The following TCF4 variants were observed in gnomAD, a reference collection of about 807,000 sequenced individuals.
TCF4 encodes the protein transcription factor 4, also known as SL3-3 enhancer factor 2.
Under a neutral mutation model 82.1 loss-of-function variants are expected in TCF4, and 3 were observed. The ratio of observed to expected loss-of-function variants is 0.04; its 90% confidence interval spans 0.02 to 0.09. The LOEUF is 0.09. Among genes scored for constraint, TCF4 ranks in the 10% least tolerant of loss-of-function variants. The pLI is 1.00. For missense variants in TCF4, 518 were observed against 852.7 expected, an observed-to-expected ratio of 0.61 and a Z score of 4.89; for synonymous variants, 276 against 309.6, an observed-to-expected ratio of 0.89 and a Z score of 1.14.
At chr18:55,455,368 G>A (rs2095723916) in intron 5 of TCF4, among the ~76,000 whole-genome samples, 1 of 151,614 alleles carries the variant, frequency 6.6e-6, no homozygotes, top group South Asian at 2.1e-4. Flanking sequence ...TATTTCAGGA[G>A]GGCATTTTAA....
At chr18:55,494,920 T>C (rs1193667263) in intron 3 of TCF4, among the ~76,000 whole-genome samples, 1 of 151,444 alleles carries the variant, frequency 6.6e-6, no homozygotes. Flanking sequence ...GAGTACCTTA[T>C]TGCAACATCT....
chr18:55,588,719 TC>T, upstream of TCF4: 2 of 1,294,138 alleles, frequency 1.5e-6, no homozygotes, highest in Non-Finnish European at 2.0e-6. Flanking sequence ...CGTCTATAAA[TC>T]AAGCCACATT....
At chr18:55,566,281 G>A (rs1249570709) in intron 3 of TCF4, among the ~76,000 whole-genome samples, 2 of 152,004 alleles carry the variant, frequency 1.3e-5, no homozygotes, top group African/African-American at 2.4e-5. Context: ...GTCTATCAGT[G>A]GGCAGAGAGA....
intron 3 of TCF4, among the ~76,000 whole-genome samples, chr18:55,544,387 G>A (rs553992447): frequency 6.6e-6 from 1 of 152,240 alleles, no homozygotes; most frequent in South Asian, 2.1e-4. Flanking sequence ...TTGAAGAAAG[G>A]TAAACAAATC....
chr18:55,241,715 T>C (rs1407971927), intron 15 of TCF4, among the ~76,000 whole-genome samples: 3 of 152,244 alleles, frequency 2.0e-5, no homozygotes, highest in Non-Finnish European at 4.4e-5. Flanking sequence ...AAGTAACACA[T>C]GCTTACTGTA....
At chr18:55,608,592 G>A (rs933193515) in intron 2 of TCF4, among the ~76,000 whole-genome samples, 2 of 151,984 alleles carry the variant, frequency 1.3e-5, no homozygotes, top group Non-Finnish European at 2.9e-5. Context: ...CTCAAGATTT[G>A]CATATTTTTA....
chr18:55,583,721 T>A (rs943187651), intron 3 of TCF4, among the ~76,000 whole-genome samples: 3 of 152,042 alleles, frequency 2.0e-5, no homozygotes, highest in African/African-American at 7.2e-5. Context: ...TGAAACTGAA[T>A]ACACATTTTT....
intron 6 of TCF4, among the ~76,000 whole-genome samples, chr18:55,377,935 G>C (rs189056301): frequency 4.6e-5 from 7 of 152,216 alleles, no homozygotes. Flanking sequence ...AGAATAAAAA[G>C]ACAATGTAAC....
intron 8 of TCF4, chr18:55,302,416 C>T: frequency 6.5e-7 from 1 of 1,536,320 alleles, no homozygotes; most frequent in Non-Finnish European, 8.7e-7. Flanking sequence ...CTGACCTTAC[C>T]TCTGCTTTCC....
intron 6 of TCF4, among the ~76,000 whole-genome samples, chr18:55,377,668 C>G (rs1249908368): frequency 6.6e-6 from 1 of 152,244 alleles, no homozygotes; most frequent in Non-Finnish European, 1.5e-5. Context: ...CATGTTACCA[C>G]TGTCCAGGGA....
At chr18:55,254,244 GCTTAATGGGCAAC>G (rs1224431455) in intron 15 of TCF4, among the ~76,000 whole-genome samples, 3 of 152,206 alleles carry the variant, frequency 2.0e-5, no homozygotes, top group Admixed American at 2.0e-4. Context: ...GGGAATGACT[GCTTAATGGGCAAC>G]GGGGATTCTT....
intron 8 of TCF4, among the ~76,000 whole-genome samples, chr18:55,335,971 G>A (rs1299997687): frequency 2.0e-5 from 3 of 151,476 alleles, no homozygotes; most frequent in Non-Finnish European, 4.4e-5. Context: ...GTGATAAGCA[G>A]CTTAGACATC....
chr18:55,317,852 G>C lies in TCF4; in HGVS notation c.549+32507C>G, dbSNP rs2074528940. The stretch of plus-strand genomic sequence containing the variant: ...TGATATCAGAAATAATTAACATCCA[G>C]TTTCATCTCTGAACTTTATGGACTT... On this transcript the variant is annotated intron_variant, in intron 8 of 19. Transcript: ENST00000354452. Among the ~76,000 whole-genome samples, 3 of 152,094 alleles carry C rather than the reference G, an allele frequency of 2.0e-5. No homozygotes were observed. The South Asian group carries it at 6.2e-4, about 32-fold the overall frequency.
intron 3 of TCF4, among the ~76,000 whole-genome samples, chr18:55,477,815 T>C (rs986384445): frequency 6.6e-6 from 1 of 152,214 alleles, no homozygotes; most frequent in Admixed American, 6.5e-5. Flanking sequence ...CATCAACTGA[T>C]GATTTCTTAG....
chr18:55,530,377 A>G (rs1009837812), intron 3 of TCF4, among the ~76,000 whole-genome samples: 2 of 152,096 alleles, frequency 1.3e-5, no homozygotes, highest in African/African-American at 4.8e-5. Context: ...GGACACCAGG[A>G]TGGGGTGGTA....
intron 15 of TCF4, among the ~76,000 whole-genome samples, chr18:55,241,525 C>T (rs926574832): frequency 6.6e-6 from 1 of 152,194 alleles, no homozygotes. Context: ...GACAACTGGA[C>T]ACTTGATTTA....
intron 16 of TCF4, among the ~76,000 whole-genome samples, chr18:55,234,085 A>G (rs372586901): frequency 2.6e-5 from 4 of 152,296 alleles, no homozygotes; most frequent in South Asian, 4.1e-4. Context: ...GTATGAGGCA[A>G]TCATTAGAGG....
chr18:55,570,891 A>G (rs1347266657), intron 3 of TCF4, among the ~76,000 whole-genome samples: 1 of 120,138 alleles, frequency 8.3e-6, no homozygotes, highest in African/African-American at 2.9e-5. Context: ...CCCTGCCTCA[A>G]AAAAAAAAAA....
intron 3 of TCF4, among the ~76,000 whole-genome samples, chr18:55,487,757 T>G (rs996904191): frequency 1.6e-4 from 24 of 152,162 alleles, no homozygotes; most frequent in African/African-American, 5.5e-4. Flanking sequence ...GCATAAAAAT[T>G]TCTATGAGAT....
Sources: gnomAD v4.1 joint callset for allele counts (sites outside exome capture counted in the v4.1 genomes callset) on GRCh38, gnomAD v4.1.1 for gene constraint, MANE v1.5 for transcripts, NCBI Gene and HGNC (gene_info 2026-07-23, HGNC 2026-07-21) for gene names.